The following CDYL2 variants were observed in gnomAD, a reference collection of about 807,000 sequenced individuals.
CDYL2 encodes chromodomain Y like 2.
CDYL2 carries 23 observed loss-of-function variants against 49.4 expected under a neutral mutation model. The observed-to-expected ratio is 0.47, with a 90% CI of 0.34 to 0.66. The LOEUF is 0.66. Ranked by LOEUF, CDYL2 falls within the 30% of genes least tolerant of loss-of-function variation. The probability of loss-of-function intolerance (pLI) is 0.01; values close to 1 mark genes in which losing one functional copy is unlikely to be tolerated. For missense variants in CDYL2, 678 were observed against 656.4 expected, an observed-to-expected ratio of 1.03 and a Z score of -0.36; for synonymous variants, 360 against 268.8, an observed-to-expected ratio of 1.34 and a Z score of -3.32.
chr16:80,782,894 T>C (rs1028721822), intron 1 of CDYL2, among the ~76,000 whole-genome samples: 1 of 152,124 alleles, frequency 6.6e-6, no homozygotes. Context: ...GCTAACACCA[T>C]ATTCAGGTAA....
At chr16:80,766,191 C>T (rs1204086241) in intron 1 of CDYL2, among the ~76,000 whole-genome samples, 2 of 151,942 alleles carry the variant, frequency 1.3e-5, no homozygotes, top group African/African-American at 4.8e-5. Context: ...GGCTGCACAA[C>T]TCTGTGAATG....
Position 80,689,001 on chromosome 16 carries a change from T to A in CDYL2, c.25-3872A>T, listed in dbSNP as rs568495658. Among the ~76,000 whole-genome samples, 29 of 152,324 alleles carry A rather than the reference T, an allele frequency of 1.9e-4. No individual in the cohort carries two copies. The South Asian group carries it at 3.1e-3, about 16-fold the overall frequency. On this transcript the variant is annotated intron_variant, in intron 1 of 6. Transcript: ENST00000570137. Reference sequence around the variant, plus strand: ...CCCCCGCTCTACCTGGGCAGGCCACTTGCTTTACCTGAAGCTCAGTCCTTC... The same window carrying A: ...CCCCCGCTCTACCTGGGCAGGCCACATGCTTTACCTGAAGCTCAGTCCTTC...
intron 1 of CDYL2, among the ~76,000 whole-genome samples, chr16:80,711,837 G>C (rs1047664833): frequency 2.6e-5 from 4 of 152,078 alleles, no homozygotes; most frequent in African/African-American, 2.4e-5. Context: ...TACCTAGCAA[G>C]AGCATAATGC....
At chr16:80,717,351 T>A (rs16953879) in intron 1 of CDYL2, among the ~76,000 whole-genome samples, 2,109 of 152,306 alleles carry the variant, frequency 0.014, 59 homozygotes, top group African/African-American at 0.048. Context: ...TACATCATTA[T>A]TATTCTTACA....
intron 1 of CDYL2, among the ~76,000 whole-genome samples, chr16:80,769,762 T>C (rs1318190120): frequency 6.6e-6 from 1 of 152,122 alleles, no homozygotes; most frequent in Non-Finnish European, 1.5e-5. Flanking sequence ...ATAATAACAA[T>C]AATAAGGTAT....
At chr16:80,716,263 A>G (rs900264711) in intron 1 of CDYL2, among the ~76,000 whole-genome samples, 8 of 152,252 alleles carry the variant, frequency 5.3e-5, no homozygotes, top group Non-Finnish European at 8.8e-5. Flanking sequence ...TACTTACATC[A>G]TAATTATACA....
chr16:80,777,059 C>G (rs1439482705), intron 1 of CDYL2, among the ~76,000 whole-genome samples: 1 of 151,954 alleles, frequency 6.6e-6, no homozygotes, highest in Non-Finnish European at 1.5e-5. Flanking sequence ...TAAGCTCAGG[C>G]AATCCGTCCG....
At chr16:80,698,323 C>A (rs1904284316) in intron 1 of CDYL2, among the ~76,000 whole-genome samples, 1 of 152,102 alleles carries the variant, frequency 6.6e-6, no homozygotes, top group Non-Finnish European at 1.5e-5. Context: ...AACAAATAAC[C>A]CGCAGAATAG....
chr16:80,758,483 G>T (rs1220766691), intron 1 of CDYL2, among the ~76,000 whole-genome samples: 1 of 151,326 alleles, frequency 6.6e-6, no homozygotes, highest in African/African-American at 2.4e-5. Flanking sequence ...CTTTTTTCTA[G>T]GATTTTAATA....
At chr16:80,769,776 C>T (rs1041824897) in intron 1 of CDYL2, among the ~76,000 whole-genome samples, 2 of 152,076 alleles carry the variant, frequency 1.3e-5, no homozygotes, top group Non-Finnish European at 2.9e-5. Flanking sequence ...AAGGTATTTG[C>T]ATAGGTGAAA....
intron 2 of CDYL2, among the ~76,000 whole-genome samples, chr16:80,654,545 T>G (rs1908723164): frequency 6.6e-6 from 1 of 152,158 alleles, no homozygotes. Context: ...CCGTGGCACC[T>G]AGAAGCCTAC....
At chr16:80,634,025 A>G (rs2142393728) in intron 2 of CDYL2, among the ~76,000 whole-genome samples, 1 of 152,192 alleles carries the variant, frequency 6.6e-6, no homozygotes, top group African/African-American at 2.4e-5. Context: ...TCGGAAGCAG[A>G]TATAGGAAGA....
chr16:80,702,474 GACATGAGGGCTC>G (rs1349174585), intron 1 of CDYL2, among the ~76,000 whole-genome samples: 2 of 152,122 alleles, frequency 1.3e-5, no homozygotes, highest in Admixed American at 6.6e-5. Context: ...GACAGGTCTG[GACATGAGGGCTC>G]ACGTCTATAA....
intron 1 of CDYL2, among the ~76,000 whole-genome samples, chr16:80,791,233 T>C (rs1386686131): frequency 6.6e-6 from 1 of 152,140 alleles, no homozygotes; most frequent in African/African-American, 2.4e-5. Flanking sequence ...GGAAACACAT[T>C]CAAGAATTAA....
chr16:80,784,357 A>G, intron 1 of CDYL2, among the ~76,000 whole-genome samples: 1 of 152,116 alleles, frequency 6.6e-6, no homozygotes, highest in East Asian at 1.9e-4. Context: ...TATTTTTTTC[A>G]TTCATATTAT....
intron 5 of CDYL2, among the ~76,000 whole-genome samples, chr16:80,610,171 A>G (rs1443719447): frequency 6.6e-6 from 1 of 152,254 alleles, no homozygotes; most frequent in Non-Finnish European, 1.5e-5. Flanking sequence ...CACTATTGCA[A>G]CAAAAGCAGG....
intron 1 of CDYL2, among the ~76,000 whole-genome samples, chr16:80,737,589 T>C (rs372174607): frequency 6.6e-6 from 1 of 152,262 alleles, no homozygotes; most frequent in African/African-American, 2.4e-5. Context: ...CTGCTGCTAG[T>C]GGTGGTGGTT....
intron 1 of CDYL2, among the ~76,000 whole-genome samples, chr16:80,717,307 A>G (rs1049518050): frequency 1.3e-5 from 2 of 152,216 alleles, no homozygotes; most frequent in Admixed American, 1.3e-4. Flanking sequence ...TATGTCCTCT[A>G]TGACGATCTT....
At chr16:80,682,451 C>T (rs986023331) in intron 2 of CDYL2, among the ~76,000 whole-genome samples, 2 of 152,162 alleles carry the variant, frequency 1.3e-5, no homozygotes, top group African/African-American at 4.8e-5. Context: ...ATCAGCAAAG[C>T]CGAAGGGTGA....
Sources: gnomAD v4.1 joint callset for allele counts (sites outside exome capture counted in the v4.1 genomes callset) on GRCh38, gnomAD v4.1.1 for gene constraint, MANE v1.5 for transcripts, NCBI Gene and HGNC (gene_info 2026-07-23, HGNC 2026-07-21) for gene names.